TSPAN9: variants seen among roughly 807,000 people sequenced by gnomAD.
TSPAN9 encodes tetraspanin 9, also known as tetraspanin-9.
A neutral mutation model predicts 31.0 loss-of-function variants in TSPAN9; 16 were observed. The ratio of observed to expected loss-of-function variants is 0.52; its 90% CI spans 0.35 to 0.78. TSPAN9 has a LOEUF of 0.78. Among genes scored for constraint, TSPAN9 ranks in the 30% least tolerant of loss-of-function variants. The pLI, the probability that TSPAN9 is intolerant of heterozygous loss-of-function variation, is 0.01. For synonymous variants in TSPAN9, 145 were observed against 121.6 expected (o/e 1.19, Z -1.27); for missense variants, 272 against 312.5 (o/e 0.87, Z 0.98).
chr12:3,139,018 T>A (rs550732739), intron 2 of TSPAN9, among the ~76,000 whole-genome samples: 2 of 152,208 alleles, frequency 1.3e-5, no homozygotes, highest in South Asian at 4.2e-4. Flanking sequence ...AGGGTTTCTC[T>A]GGGCCTGCTC....
intron 2 of TSPAN9, among the ~76,000 whole-genome samples, chr12:3,182,688 A>C (rs1232829681): frequency 6.6e-6 from 1 of 152,180 alleles, no homozygotes; most frequent in Non-Finnish European, 1.5e-5. Flanking sequence ...GCTGTCAGCC[A>C]GGCCATGTGA....
At chr12:3,087,484 G>A (rs1047045949) in intron 2 of TSPAN9, among the ~76,000 whole-genome samples, 2 of 151,766 alleles carry the variant, frequency 1.3e-5, no homozygotes, top group African/African-American at 2.4e-5. Flanking sequence ...ACTGCACTCC[G>A]GGCTGGGTGA....
At chr12:3,095,844 T>A (rs1363167601) in intron 2 of TSPAN9, among the ~76,000 whole-genome samples, 1 of 143,880 alleles carries the variant, frequency 7.0e-6, no homozygotes, top group Admixed American at 6.8e-5. Flanking sequence ...CGCTCCTCAC[T>A]TTCCAGACTG....
intron 3 of TSPAN9, among the ~76,000 whole-genome samples, 155 bp downstream of exon 3, chr12:3,201,411 A>T (rs2098371744): frequency 1.3e-5 from 2 of 151,446 alleles, no homozygotes; most frequent in South Asian, 4.2e-4. Flanking sequence ...CCCCCCTTTC[A>T]TGCACCTTTG....
At chr12:3,086,702 C>A (rs2098300689) in intron 2 of TSPAN9, among the ~76,000 whole-genome samples, 1 of 152,128 alleles carries the variant, frequency 6.6e-6, no homozygotes, top group African/African-American at 2.4e-5. Flanking sequence ...GAGGCCTTGG[C>A]CTTGGCCTTA....
At chr12:3,191,902 AG>A (rs2098364596) in intron 2 of TSPAN9, among the ~76,000 whole-genome samples, 2 of 152,196 alleles carry the variant, frequency 1.3e-5, no homozygotes, top group South Asian at 4.1e-4. Flanking sequence ...ATTGAAAGAA[AG>A]GGGGCTTTAG....
At chr12:3,131,928 A>AC (rs746459293) in intron 2 of TSPAN9, among the ~76,000 whole-genome samples, 16 of 151,642 alleles carry the variant, frequency 1.1e-4, no homozygotes, top group South Asian at 2.1e-4. Context: ...CTTACCTGTG[A>AC]CCCCCCAGGC....
intron 1 of TSPAN9, among the ~76,000 whole-genome samples, chr12:3,081,623 G>A (rs1337220780): frequency 6.6e-6 from 1 of 151,732 alleles, no homozygotes; most frequent in African/African-American, 2.4e-5. Context: ...TACTTCCTTG[G>A]GTGGTTCTCT....
intron 2 of TSPAN9, among the ~76,000 whole-genome samples, chr12:3,139,904 C>T (rs1461417473): frequency 2.0e-5 from 3 of 152,170 alleles, no homozygotes; most frequent in Admixed American, 6.5e-5. Flanking sequence ...TGCAGCTGAC[C>T]GTCAGGGGCT....
At chr12:3,181,007 A>AG (rs2098358320) in intron 2 of TSPAN9, among the ~76,000 whole-genome samples, 1 of 151,224 alleles carries the variant, frequency 6.6e-6, no homozygotes, top group Non-Finnish European at 1.5e-5. Flanking sequence ...CTGGTAGACC[A>AG]GGAGGGTCAA....
chr12:3,137,984 C>T (rs1267539184), intron 2 of TSPAN9, among the ~76,000 whole-genome samples: 2 of 152,160 alleles, frequency 1.3e-5, no homozygotes, highest in Non-Finnish European at 2.9e-5. Flanking sequence ...TGTGAGGAGT[C>T]GGGTGTCTGG....
intron 2 of TSPAN9, among the ~76,000 whole-genome samples, chr12:3,091,727 C>A (rs147584727): frequency 2.9e-3 from 440 of 152,336 alleles, no homozygotes; most frequent in African/African-American, 9.9e-3. Flanking sequence ...TCTCCCTGCT[C>A]CCCCTCAGCA....
At chr12:3,212,224 C>G (rs1442699260) in intron 3 of TSPAN9, among the ~76,000 whole-genome samples, 2 of 152,168 alleles carry the variant, frequency 1.3e-5, no homozygotes, top group Non-Finnish European at 2.9e-5. Flanking sequence ...CCAGCCTCGG[C>G]CTCCCAAAGT....
intron 3 of TSPAN9, among the ~76,000 whole-genome samples, chr12:3,238,415 T>C (rs80178859): frequency 0.015 from 2,222 of 152,348 alleles, 58 homozygotes; most frequent in African/African-American, 0.05. Flanking sequence ...AGCTTTGTGC[T>C]GAATTGTGGT....
chr12:3,278,912 C>G, intron 4 of TSPAN9, 80 bp from the exon 5 acceptor site: 1 of 1,484,984 alleles, frequency 6.7e-7, no homozygotes, highest in Non-Finnish European at 9.4e-7. Flanking sequence ...CTAGGCGCCG[C>G]CTGTCCCTGC....
intron 3 of TSPAN9, among the ~76,000 whole-genome samples, chr12:3,209,958 CAAAAAAA>C (rs57719008): frequency 2.0e-5 from 1 of 49,742 alleles, no homozygotes; most frequent in African/African-American, 6.5e-5. Context: ...GACTCTGTCC[CAAAAAAA>C]AAAAAAAAAA....
chr12:3,085,222 C>T (rs901259648), intron 2 of TSPAN9, among the ~76,000 whole-genome samples: 4 of 150,952 alleles, frequency 2.6e-5, no homozygotes, highest in Non-Finnish European at 4.4e-5. Flanking sequence ...AAAGACCGGG[C>T]GGCAGAGAGG....
At chr12:3,085,278 T>A (rs1031488259) in intron 2 of TSPAN9, among the ~76,000 whole-genome samples, 13 of 150,878 alleles carry the variant, frequency 8.6e-5, no homozygotes, top group African/African-American at 3.2e-4. Context: ...GTGCGGCATG[T>A]CCCCCACATC....
chr12:3,141,823 C>G (rs2098335005), intron 2 of TSPAN9, among the ~76,000 whole-genome samples: 1 of 152,202 alleles, frequency 6.6e-6, no homozygotes, highest in African/African-American at 2.4e-5. Context: ...GTGGGCTGCT[C>G]TTGCTTTTCC....
Sources: allele counts gnomAD v4.1 joint callset (sites outside exome capture counted in the v4.1 genomes callset), GRCh38; gene constraint gnomAD v4.1.1; transcripts MANE v1.5; gene names NCBI Gene and HGNC (gene_info 2026-07-23, HGNC 2026-07-21).